MGAM2: variants seen among roughly 807,000 people sequenced by gnomAD.
MGAM2 encodes maltase-glucoamylase 2 (putative).
Under a neutral mutation model 96.1 loss-of-function variants are expected in MGAM2, and 98 were observed. The observed-to-expected ratio is 1.02, with a 90% CI of 0.87 to 1.21. The LOEUF is 1.21. Ranked by LOEUF, MGAM2 falls within the 50% of genes most tolerant of loss-of-function variation. The pLI, the probability that MGAM2 is intolerant of heterozygous loss-of-function variation, is 0.00. For synonymous variants in MGAM2, 749 were observed against 414.8 expected, an observed-to-expected ratio of 1.81 and a Z score of -9.79; for missense variants, 2,055 against 1,182.4, an observed-to-expected ratio of 1.74 and a Z score of -10.82.
intron 10 of MGAM2, among the ~76,000 whole-genome samples, chr7:142,139,776 G>A (rs1795166273): frequency 6.6e-6 from 1 of 151,852 alleles, no homozygotes; most frequent in South Asian, 2.1e-4. Flanking sequence ...GTAGTGATGA[G>A]GGCAGGCAGG....
At position 142,164,947 on chromosome 7, in the gene MGAM2, A is replaced by T; in HGVS notation, c.2576A>T (p.Gln859Leu). 1.4e-6 allele frequency: 1 copy of T among 702,846 alleles called. No individual in the cohort carries two copies. The highest frequency in any genetic ancestry group is 2.6e-6 in the Non-Finnish European group (1 of 384,920). The allele number at this position is 702,846 out of a possible 1,614,324, so 43.5% of individuals were successfully genotyped here. The change falls in exon 24 of 48, where the codon CAG (glutamine) becomes CTG (leucine). Residue 859 changes from glutamine (Q) to leucine (L), a missense_variant. Transcript: ENST00000477922. ...ATCACAATCTTGGGAATGGACAAAC[A>T]GCCAGCTAATTTTATCGTCCTACTG... ...TDITILGMDK[Q>L]PANFIVLLNN... is the part of the protein sequence containing the mutation.
intron 15 of MGAM2, among the ~76,000 whole-genome samples, chr7:142,151,650 G>A (rs1384129563): frequency 6.6e-6 from 1 of 152,172 alleles, no homozygotes; most frequent in East Asian, 1.9e-4. Flanking sequence ...TTGGAGGAGG[G>A]GAAGAAAGTT....
chr7:142,173,288 T>C lies in MGAM2; in HGVS notation c.3621T>C (p.Tyr1207=), dbSNP rs1379527589. The C allele has an allele frequency of 1.4e-6, 1 of 703,038 alleles. No homozygotes were observed. Among genetic ancestry groups the C allele is most frequent in the African/African-American group, 1.7e-5 (1 of 57,248 alleles). The allele number at this position is 703,038 out of a possible 1,614,324, so 43.5% of individuals were successfully genotyped here. The stretch of plus-strand genomic sequence containing the variant: ...CCTTGGGATTCCATCTGAGTCGCTA[T>C]GGATACCAGAATGATGCTGAAATCT... ...YWALGFHLSR[Y]GYQNDAEISS... is the part of the protein sequence containing the mutation. Residue 1207 remains tyrosine (Y), a synonymous_variant, in exon 31 of 48, where the codon TAT becomes TAC. Transcript: ENST00000477922.
At position 142,171,281 on chromosome 7, in the gene MGAM2, T is replaced by G. The variant is rs1251098472; in HGVS notation, c.3192T>G (p.Ser1064=). 1.4e-6 allele frequency: 1 copy of G among 702,622 alleles called. No individual in the cohort carries two copies. Among genetic ancestry groups the G allele is most frequent in the Admixed American group, 2.0e-5 (1 of 49,998 alleles). 43.5% of individuals were successfully genotyped at this position (702,622 alleles called of 1,614,324 possible). A position where few individuals can be genotyped will look rare whatever the true frequency, so the allele number is the denominator to read the frequency against. The change falls in exon 28 of 48, where the codon TCT becomes TCG. Residue 1064 remains serine (S), a synonymous_variant. Coordinates refer to ENST00000477922, the MANE Select transcript of MGAM2 (RefSeq NM_001293626.2). The part of the protein sequence containing the change: ...RKNSSTVIWD[S]QLPGFIFNDM... ...TGCTTTTGTGTTGCAGTTGGGATTC[T>G]CAACTCCCTGGCTTCATCTTCAATG...
chr7:142,133,927 G>C, intron 6 of MGAM2, 54 bp from the exon 7 acceptor site: 1 of 647,928 alleles, frequency 1.5e-6, no homozygotes, highest in South Asian at 1.7e-5. Context: ...TAGCTTCCTG[G>C]CAGAGGAAAG....
rs1467968153 is a variant in MGAM2 at position 142,221,545 on chromosome 7, C to T, written c.7034C>T (p.Thr2345Ile). The T allele has an allele frequency of 3.2e-5, 17 of 538,246 alleles. 1 individual carries two copies. The South Asian group carries it at 4.7e-4, about 15-fold the overall frequency. 33.3% of individuals were successfully genotyped at this position (538,246 alleles called of 1,614,324 possible). The change falls in exon 48 of 48, where the codon ACT (threonine) becomes ATT (isoleucine). Residue 2345 changes from threonine to isoleucine, a missense_variant. By Grantham distance (89) the Thr-to-Ile change is moderately conservative (BLOSUM62 -1). Transcript: ENST00000477922. Reference sequence around the variant, plus strand: ...AATGCAAACACCATTATTTTCAACACTCTTGATACAAAAAGTACCATGGTA... The same window carrying T: ...AATGCAAACACCATTATTTTCAACATTCTTGATACAAAAAGTACCATGGTA... ...PTNANTIIFN[T>I]LDTKSTMVID... is the part of the protein sequence containing the mutation.
chr7:142,126,290 G>A (rs760277435), intron 3 of MGAM2, among the ~76,000 whole-genome samples: 12 of 151,528 alleles, frequency 7.9e-5, no homozygotes, highest in South Asian at 2.1e-4. Flanking sequence ...TTGATATTTC[G>A]CACATCTATG....
intron 15 of MGAM2, among the ~76,000 whole-genome samples, chr7:142,150,008 C>T (rs566570438): frequency 6.6e-6 from 1 of 151,700 alleles, no homozygotes; most frequent in Non-Finnish European, 1.5e-5. Flanking sequence ...ATGGCGCGAT[C>T]TCAGCACAAT....
chr7:142,186,958 ATT>A lies in MGAM2; in HGVS notation c.4123-779_4123-778del, dbSNP rs11336255. Among the ~76,000 whole-genome samples, 292 of 148,134 alleles carry A rather than the reference ATT, an allele frequency of 2.0e-3. 1 individual carries two copies. Among genetic ancestry groups the A allele is most frequent in the East Asian group, 0.017 (87 of 5,056 alleles). ...GAGATGCTGATAGCTCTGGGGTAGTATTTTTTTTTTTTTTCCAATGGAGGGAA... is the reference window on the plus strand; with the variant it reads ...GAGATGCTGATAGCTCTGGGGTAGTATTTTTTTTTTTTCCAATGGAGGGAA... On this transcript the variant is annotated intron_variant, in intron 35 of 47. Transcript: ENST00000477922.
At chr7:142,169,684 G>A (rs1335486305) in intron 26 of MGAM2, among the ~76,000 whole-genome samples, 2 of 152,066 alleles carry the variant, frequency 1.3e-5, no homozygotes, top group Non-Finnish European at 1.5e-5. Flanking sequence ...GAGTCCATAT[G>A]AAAACTCAAT....
At chr7:142,115,793 C>T (rs1462904035) in intron 1 of MGAM2, among the ~76,000 whole-genome samples, 3 of 151,932 alleles carry the variant, frequency 2.0e-5, no homozygotes, top group East Asian at 1.9e-4. Context: ...TTCGGTGAGG[C>T]GAGATCGTGC....
chr7:142,158,143 CTTTG>C (rs1378821071), intron 18 of MGAM2, 52 bp downstream of exon 18: 17 of 699,720 alleles, frequency 2.4e-5, no homozygotes, highest in Non-Finnish European at 3.9e-5. Flanking sequence ...TTTCACTTGA[CTTTG>C]TTTGTGGTAG....
intron 15 of MGAM2, among the ~76,000 whole-genome samples, chr7:142,149,229 C>CAAAAAAAAAAAAAAAAAA (rs72418423): frequency 3.4e-5 from 5 of 147,576 alleles, no homozygotes; most frequent in Admixed American, 2.0e-4. Flanking sequence ...AACTCCGTCT[C>CAAAAAAAAAAAAAAAAAA]AAAAAAAAAA....
At position 142,197,678 on chromosome 7, in the gene MGAM2, C is replaced by T. The variant is rs561326023; in HGVS notation, c.4816C>T (p.Arg1606Cys). The T allele has an allele frequency of 1.4e-6, 1 of 702,532 alleles. No individual in the cohort carries two copies. The highest frequency in any genetic ancestry group is 1.7e-5 in the African/African-American group (1 of 57,174). 43.5% of individuals were successfully genotyped at this position (702,532 alleles called of 1,614,324 possible). ...TGACAGGACAACATGGGATATAGAC[C>T]GTCAGTTCATGTTGGGCCCTGCTAT... ...TDDRTTWDID[R>C]QFMLGPAILI... The change falls in exon 42 of 48, where the codon CGT becomes TGT. Residue 1606 changes from arginine (R) to cysteine (C), a missense_variant. Coordinates refer to ENST00000477922, the MANE Select transcript of MGAM2 (RefSeq NM_001293626.2).
At chr7:142,190,819 A>G (rs779305481) in intron 37 of MGAM2, among the ~76,000 whole-genome samples, 4 of 151,830 alleles carry the variant, frequency 2.6e-5, no homozygotes, top group Non-Finnish European at 5.9e-5. Flanking sequence ...CTCATTTTTG[A>G]TAGAATCATT....
intron 3 of MGAM2, among the ~76,000 whole-genome samples, chr7:142,120,770 A>G (rs1437547380): frequency 6.6e-6 from 1 of 152,140 alleles, no homozygotes; most frequent in East Asian, 1.9e-4. Context: ...TAGTGATAGA[A>G]AATAGATTAG....
intron 3 of MGAM2, among the ~76,000 whole-genome samples, chr7:142,125,261 T>C (rs866071548): frequency 5.9e-5 from 9 of 152,210 alleles, no homozygotes; most frequent in Admixed American, 2.0e-4. Flanking sequence ...TTTCAGCATC[T>C]ATCAGAGACT....
At chr7:142,112,416 GA>G (rs367959291) in intron 1 of MGAM2, among the ~76,000 whole-genome samples, 156 of 152,194 alleles carry the variant, frequency 1.0e-3, no homozygotes, top group African/African-American at 3.4e-3. Context: ...AAGCTAGAAA[GA>G]AAAAAGTCTC....
chr7:142,122,774 G>T (rs1298319891), intron 3 of MGAM2, among the ~76,000 whole-genome samples: 3 of 152,144 alleles, frequency 2.0e-5, no homozygotes, highest in Non-Finnish European at 4.4e-5. Context: ...GTAGGATGTT[G>T]TCCACTTCAT....
Sources: allele counts gnomAD v4.1 joint callset (sites outside exome capture counted in the v4.1 genomes callset), GRCh38; gene constraint gnomAD v4.1.1; transcripts MANE v1.5; gene names NCBI Gene and HGNC (gene_info 2026-07-23, HGNC 2026-07-21).